The following INSR variants were observed in gnomAD, a reference collection of about 807,000 sequenced individuals.
The protein encoded by INSR is insulin receptor, also known as IR.
In INSR, 67 loss-of-function variants were observed where a neutral mutation model predicts 142.6. That is an observed-to-expected ratio of 0.47 (90% CI 0.39 to 0.58). INSR has a LOEUF of 0.58. Ranked by LOEUF, INSR falls within the 20% of genes least tolerant of loss-of-function variation. INSR has a pLI of 0.00. For synonymous variants in INSR, 756 were observed against 743.1 expected (o/e 1.02, Z -0.28); for missense variants, 1,248 against 1,833.2 (o/e 0.68, Z 5.83).
chr19:7,193,964 A>AATG (rs1974668480), intron 2 of INSR, among the ~76,000 whole-genome samples: 1 of 51,696 alleles, frequency 1.9e-5, no homozygotes, highest in Non-Finnish European at 3.8e-5. Flanking sequence ...GAGCTCCCAA[A>AATG]CTGGGCATAG....
intron 2 of INSR, among the ~76,000 whole-genome samples, chr19:7,234,667 G>A (rs924218195): frequency 3.9e-5 from 6 of 152,116 alleles, no homozygotes; most frequent in African/African-American, 1.2e-4. Flanking sequence ...TGGGAGAATC[G>A]ACAGTTCCGA....
chr19:7,278,152 G>T (rs1968114738), intron 1 of INSR, among the ~76,000 whole-genome samples: 1 of 151,888 alleles, frequency 6.6e-6, no homozygotes, highest in South Asian at 2.1e-4. Context: ...AAAGAAATGA[G>T]AACAGAAGAA....
rs763080234 is a variant in INSR at position 7,166,326 on chromosome 19, T to A, written c.1689A>T (p.Pro563=). Residue 563 remains proline, a synonymous_variant, in exon 8 of 22, where the codon CCA becomes CCT. Transcript: ENST00000302850. The surrounding 1 kb of genome is among the most constrained non-coding windows in gnomAD (Gnocchi z 4.1). ...ATTTGGGGTCGTTGGACCTCAGGGG[T>A]GGGTCAATGTCTACCACCGTCCAAC... The part of the protein sequence containing the change: ...SNSWTVVDID[P]PLRSNDPKSQ... 1.9e-6 allele frequency: 3 copies of A among 1,613,592 alleles called. No homozygotes were observed. The Admixed American group carries it at 5.0e-5, about 27-fold the overall frequency.
At chr19:7,118,769 G>C in intron 21 of INSR, among the ~76,000 whole-genome samples, 1 of 128,810 alleles carries the variant, frequency 7.8e-6, no homozygotes, top group Non-Finnish European at 1.7e-5. Context: ...AAAAAAATTA[G>C]CCAGGCGCGG....
In INSR at chr19:7,201,702, G is replaced by A. The variant is rs1382998077; in HGVS notation, c.653-17065C>T. The stretch of plus-strand genomic sequence containing the variant: ...TTTTGAGTTGGAGTCTCACTCTGTC[G>A]CCCAGGCTGGAGTGCAGTGGCGCGA... On this transcript the variant is annotated intron_variant, in intron 2 of 21. Transcript: ENST00000302850. Among the ~76,000 whole-genome samples the A allele has an allele frequency of 5.1e-4, 65 of 128,680 alleles. 3 individuals carry two copies. Among genetic ancestry groups the A allele is most frequent in the Admixed American group, 3.4e-3 (42 of 12,472 alleles). The allele number at this position is 128,680 out of a possible 152,430, so 84.4% of individuals were successfully genotyped here.
chr19:7,148,412 C>T (rs2144875902), intron 11 of INSR, among the ~76,000 whole-genome samples: 1 of 151,384 alleles, frequency 6.6e-6, no homozygotes, highest in Non-Finnish European at 1.5e-5. Flanking sequence ...TGTTGTTGGA[C>T]AGTGCCCTAG....
intron 1 of INSR, among the ~76,000 whole-genome samples, chr19:7,270,335 TCTCTCA>T (rs1408582373): frequency 1.0e-3 from 83 of 83,308 alleles, no homozygotes; most frequent in African/African-American, 3.0e-3. Context: ...TCTCTCTCTC[TCTCTCA>T]CACACACACA....
chr19:7,198,034 G>A (rs1382424772), intron 2 of INSR, among the ~76,000 whole-genome samples: 1 of 150,466 alleles, frequency 6.6e-6, no homozygotes, highest in Non-Finnish European at 1.5e-5. Context: ...GTCCATGATG[G>A]GCGTGTGTGT....
At chr19:7,278,366 C>T (rs1968118849) in intron 1 of INSR, among the ~76,000 whole-genome samples, 1 of 152,172 alleles carries the variant, frequency 6.6e-6, no homozygotes, top group Non-Finnish European at 1.5e-5. Context: ...AGGAGGAAGT[C>T]AGTGAAAGCC....
chr19:7,161,694 C>T (rs961533294), intron 9 of INSR, among the ~76,000 whole-genome samples: 2 of 152,064 alleles, frequency 1.3e-5, no homozygotes, highest in Admixed American at 1.3e-4. Flanking sequence ...TAGCTTTGCA[C>T]AGAAGTCTTG....
chr19:7,256,029 A>T (rs994079310), intron 2 of INSR, among the ~76,000 whole-genome samples: 7 of 152,158 alleles, frequency 4.6e-5, no homozygotes, highest in African/African-American at 1.4e-4. Context: ...CATACTCTCT[A>T]GGGTACTTGT....
chr19:7,142,125 T>C (rs1165181025), intron 12 of INSR, among the ~76,000 whole-genome samples: 3 of 151,558 alleles, frequency 2.0e-5, no homozygotes, highest in Non-Finnish European at 4.4e-5. Flanking sequence ...AAATATGACC[T>C]GGCATGGTGG....
intron 3 of INSR, among the ~76,000 whole-genome samples, chr19:7,182,560 A>T (rs944585093): frequency 3.3e-5 from 5 of 152,052 alleles, no homozygotes; most frequent in South Asian, 2.1e-4. Flanking sequence ...AAAAATATTA[A>T]TTTTTTTAAA....
intron 14 of INSR, among the ~76,000 whole-genome samples, chr19:7,130,810 ATC>A (rs1156443486): frequency 1.4e-5 from 2 of 147,948 alleles, no homozygotes; most frequent in African/African-American, 2.5e-5. Context: ...TCTTTCTTTT[ATC>A]TCTCTTTTTC....
chr19:7,222,858 A>T (rs36106108), intron 2 of INSR, among the ~76,000 whole-genome samples: 1 of 152,140 alleles, frequency 6.6e-6, no homozygotes. Flanking sequence ...GCTCCCTTGC[A>T]AAAAAGGCAA....
rs76262811 is a variant in INSR at position 7,172,355 on chromosome 19, G to A, written c.1203C>T (p.Tyr401=). ...ISGYLKIRRS[Y]ALVSLSFFRK... is the part of the protein sequence containing the mutation. The stretch of plus-strand genomic sequence containing the variant: ...GGAAGAAGGAAAGTGACACCAGAGC[G>A]TAGGATCGGCGGATTTTTAGATACC... The change falls in exon 5 of 22, where the codon TAC becomes TAT. Residue 401 remains tyrosine, a synonymous_variant. Coordinates refer to ENST00000302850, the MANE Select transcript of INSR (RefSeq NM_000208.4). 372 of 1,614,134 alleles carry A rather than the reference G, an allele frequency of 2.3e-4. No homozygotes were observed. Among genetic ancestry groups the A allele is most frequent in the Non-Finnish European group, 2.9e-4 (341 of 1,180,004 alleles).
At chr19:7,220,811 T>C (rs2145097885) in intron 2 of INSR, among the ~76,000 whole-genome samples, 1 of 152,320 alleles carries the variant, frequency 6.6e-6, no homozygotes, top group East Asian at 1.9e-4. Context: ...AACATAATAG[T>C]ATGATTTGAA....
At chr19:7,135,450 GGATT>G (rs1972896566) in intron 13 of INSR, among the ~76,000 whole-genome samples, 1 of 149,572 alleles carries the variant, frequency 6.7e-6, no homozygotes, top group South Asian at 2.1e-4. Flanking sequence ...TGAGTAACTG[GGATT>G]ATAGGCGTGT....
intron 17 of INSR, 69 bp from the exon 18 acceptor site, chr19:7,123,058 C>T: frequency 8.6e-7 from 1 of 1,166,064 alleles, no homozygotes; most frequent in East Asian, 2.5e-5. Context: ...TCTCCTCCCT[C>T]CCTGGTGTCT....
Sources: gnomAD v4.1 joint callset for allele counts (sites outside exome capture counted in the v4.1 genomes callset) on GRCh38, gnomAD v4.1.1 for gene constraint, Gnocchi (gnomAD v3.1) non-coding constraint, MANE v1.5 for transcripts, NCBI Gene and HGNC (gene_info 2026-07-23, HGNC 2026-07-21) for gene names.